The following ITPR3 variants were observed in gnomAD, a reference collection of about 807,000 sequenced individuals.
ITPR3 encodes inositol 1,4,5-trisphosphate receptor type 3, also known as inositol 1,4,5-trisphosphate-gated calcium channel ITPR3.
In ITPR3, 173 loss-of-function variants were observed where a neutral mutation model predicts 293.2. That is an observed-to-expected ratio of 0.59 (90% CI 0.52 to 0.67). The LOEUF (loss-of-function observed/expected upper bound fraction) is 0.67, where lower values mean the gene tolerates loss of function less well. ITPR3 is among the 30% of genes least tolerant of loss of function. The pLI is 0.00. For missense variants in ITPR3, 2,796 were observed against 3,592.1 expected, an observed-to-expected ratio of 0.78 and a Z score of 5.66; for synonymous variants, 1,295 against 1,444.4, an observed-to-expected ratio of 0.90 and a Z score of 2.35.
intron 56 of ITPR3, among the ~76,000 whole-genome samples, chr6:33,694,035 C>T (rs1033976367): frequency 1.3e-5 from 2 of 152,258 alleles, no homozygotes; most frequent in South Asian, 2.1e-4. Context: ...GTGTGGTATC[C>T]CTGGGCCTGT....
Position 33,662,583 on chromosome 6 carries a change from A to G in ITPR3, c.767A>G (p.Glu256Gly), listed in dbSNP as rs779093566. The part of the protein sequence containing the change: ...AEQEKFLTCD[E>G]YKGKLQVFLR... Reference sequence around the variant, plus strand: ...CAGGAGAAGTTCCTGACGTGTGACGAGTACAAGGGCAAGCTGCAGGTGTTC... The same window carrying G: ...CAGGAGAAGTTCCTGACGTGTGACGGGTACAAGGGCAAGCTGCAGGTGTTC... Residue 256 changes from glutamate (E) to glycine (G), a missense_variant, in exon 8 of 58, where the codon GAG becomes GGG. Transcript: ENST00000605930. 5.6e-6 allele frequency: 9 copies of G among 1,611,944 alleles called. No individual in the cohort carries two copies. Among genetic ancestry groups the G allele is most frequent in the Non-Finnish European group, 6.8e-6 (8 of 1,179,708 alleles).
rs1274370758 is a variant in ITPR3, at chr6:33,659,446, G to C, written c.628-20G>C. Reference sequence around the variant, plus strand: ...GGCTGGGGTCCACCTGGCGTCACGGGTCTTGTCACCCTTCCGCAGGTCAAT... The same window carrying C: ...GGCTGGGGTCCACCTGGCGTCACGGCTCTTGTCACCCTTCCGCAGGTCAAT... On this transcript the variant is annotated intron_variant, in intron 6 of 57. Coordinates refer to ENST00000605930, the MANE Select transcript of ITPR3 (RefSeq NM_002224.4). 4 of 1,612,370 alleles carry C rather than the reference G, an allele frequency of 2.5e-6. No individual in the cohort carries two copies. The highest frequency in any genetic ancestry group is 2.5e-6 in the Non-Finnish European group (3 of 1,178,670).
intron 21 of ITPR3, among the ~76,000 whole-genome samples, chr6:33,671,586 C>CGT (rs962735497): frequency 1.3e-5 from 2 of 152,118 alleles, no homozygotes; most frequent in Non-Finnish European, 2.9e-5. Context: ...GCTCTGTCAT[C>CGT]GTGTGTGTGA....
rs1273896765 is a variant in ITPR3 at position 33,684,150 on chromosome 6, G to A, written c.4919G>A (p.Ser1640Asn). The change falls in exon 36 of 58, where the codon AGT becomes AAT. Residue 1640 changes from serine (S) to asparagine (N), a missense_variant. By Grantham distance (46) the Ser-to-Asn change is conservative. Coordinates refer to ENST00000605930, the MANE Select transcript of ITPR3 (RefSeq NM_002224.4). The surrounding 1 kb of genome is among the most constrained non-coding windows in gnomAD (Gnocchi z 4.2). Reference sequence around the variant, plus strand: ...AGTGAGGCCTACCAGCGCTGCGAGAGTGGGGGCTTCCTGTCCAAGTGAGCG... The same window carrying A: ...AGTGAGGCCTACCAGCGCTGCGAGAATGGGGGCTTCCTGTCCAAGTGAGCG... The part of the protein sequence containing the change: ...EGSEAYQRCE[S>N]GGFLSKLIQH... 6.2e-7 allele frequency: 1 copy of A among 1,610,932 alleles called. No individual in the cohort carries two copies. Among genetic ancestry groups the A allele is most frequent in the East Asian group, 2.2e-5 (1 of 44,890 alleles).
At position 33,670,603 on chromosome 6, in the gene ITPR3, G is replaced by A. The variant is rs781762052; in HGVS notation, c.2441+27G>A. On this transcript the variant is annotated intron_variant, in intron 19 of 57. Coordinates refer to ENST00000605930, the MANE Select transcript of ITPR3 (RefSeq NM_002224.4). The surrounding 1 kb of genome is among the most constrained non-coding windows in gnomAD (Gnocchi z 6.7). ...TGAGAGGGGTGGAGGCAGGGTGGGC[G>A]GGGCAGGGGCAGAGGCTGGAGTGGG... is the stretch of plus-strand genomic sequence containing the variant. The A allele has an allele frequency of 3.0e-5, 48 of 1,611,894 alleles. No individual in the cohort carries two copies. Among genetic ancestry groups the A allele is most frequent in the South Asian group, 2.7e-4 (25 of 91,040 alleles).
At chr6:33,636,086 A>C (rs1473246312) in intron 1 of ITPR3, among the ~76,000 whole-genome samples, 1 of 143,010 alleles carries the variant, frequency 7.0e-6, no homozygotes, top group Admixed American at 7.5e-5. Context: ...CAGGAGATAG[A>C]GACCAGCCTG....
chr6:33,656,003 C>T, intron 3 of ITPR3, 116 bp downstream of exon 3: 1 of 1,362,062 alleles, frequency 7.3e-7, no homozygotes, highest in East Asian at 2.5e-5. Context: ...TGAGTGGTTT[C>T]TAAAACTCGT....
Position 33,688,773 on chromosome 6 carries a change from C to G in ITPR3, c.6686C>G (p.Ala2229Gly). 6.2e-7 allele frequency: 1 copy of G among 1,614,164 alleles called. No individual in the cohort carries two copies. Among genetic ancestry groups the G allele is most frequent in the African/African-American group, 1.3e-5 (1 of 75,058 alleles). ...TTCTTCTACCCTTACATGGAGGGCGCGTCCACAGGTGAGAACACAGGGCTG... is the reference window on the plus strand; with the variant it reads ...TTCTTCTACCCTTACATGGAGGGCGGGTCCACAGGTGAGAACACAGGGCTG... ...IAFFYPYMEG[A>G]STGVLDSPLI... The change falls in exon 49 of 58, where the codon GCG becomes GGG. Residue 2229 changes from alanine to glycine, a missense_variant. By Grantham distance (60) the Ala-to-Gly change is moderately conservative. This residue lies in a region of ITPR3 where 568 missense variants were observed against 796.1 expected (regional missense o/e 0.71). Coordinates refer to ENST00000605930, the MANE Select transcript of ITPR3 (RefSeq NM_002224.4).
chr6:33,623,511 A>G (rs560821061), intron 1 of ITPR3, among the ~76,000 whole-genome samples: 20 of 151,610 alleles, frequency 1.3e-4, no homozygotes, highest in African/African-American at 4.8e-4. Flanking sequence ...TTTTTTTTGT[A>G]GAGACTGGGT....
chr6:33,651,396 T>A (rs538384393), intron 2 of ITPR3, among the ~76,000 whole-genome samples: 1 of 152,274 alleles, frequency 6.6e-6, no homozygotes, highest in South Asian at 2.1e-4. Context: ...TCAAGCCCAC[T>A]TGAAGCCCAG....
rs1472982257 is a variant in ITPR3, at chr6:33,678,708, C to T, written c.3841C>T (p.Pro1281Ser). The change falls in exon 30 of 58, where the codon CCT becomes TCT. Residue 1281 changes from proline (P) to serine (S), a missense_variant. Transcript: ENST00000605930. ...TCAGCTCTGCTCCGAGATCAGCGAG[C>T]CTGTGTTGCAGCACTTCGTGCACCT... ...NYQLCSEISE[P>S]VLQHFVHLLA... 1 of 1,613,284 alleles carries T rather than the reference C, an allele frequency of 6.2e-7. No homozygotes were observed. The highest frequency in any genetic ancestry group is 8.5e-7 in the Non-Finnish European group (1 of 1,179,842).
At chr6:33,685,030 C>T (rs1446524687) in intron 39 of ITPR3, 87 bp downstream of exon 39, 6 of 1,448,502 alleles carry the variant, frequency 4.1e-6, no homozygotes, top group African/African-American at 1.4e-5. Flanking sequence ...CACTGAAGGC[C>T]GAGGAGGGTG....
intron 16 of ITPR3, 133 bp from the exon 17 acceptor site, chr6:33,668,382 A>G: frequency 8.2e-7 from 1 of 1,225,912 alleles, no homozygotes; most frequent in Admixed American, 2.4e-5. Flanking sequence ...CATCCCACCC[A>G]TCTCTAAGCC....
chr6:33,670,576 AGT>A lies in ITPR3; in HGVS notation c.2441+2_2441+3del, dbSNP rs1764729822. On this transcript the variant is annotated splice_donor_variant, in intron 19 of 57. Transcript: ENST00000605930. LOFTEE classifies it high-confidence loss of function. This position sits in a 1 kb window ranked among gnomAD's most constrained non-coding sequence, Gnocchi z 6.7. Reference sequence around the variant, plus strand: ...ATCCCCACAGCCATCACCATCAAGGAGTGAGAGGGGTGGAGGCAGGGTGGGCG... The same window carrying A: ...ATCCCCACAGCCATCACCATCAAGGAGAGAGGGGTGGAGGCAGGGTGGGCG... 1.8e-6 allele frequency: 2 copies of A among 1,129,356 alleles called. No individual in the cohort carries two copies. The highest frequency in any genetic ancestry group is 2.4e-6 in the Non-Finnish European group (2 of 817,612). The allele number at this position is 1,129,356 out of a possible 1,614,324, so 70.0% of individuals were successfully genotyped here.
chr6:33,657,221 G>GTGAGGCAGGAGTC, intron 3 of ITPR3, among the ~76,000 whole-genome samples: 1 of 152,332 alleles, frequency 6.6e-6, no homozygotes, highest in Admixed American at 6.5e-5. Context: ...GTCTGATGGA[G>GTGAGGCAGGAGTC]GGGACAGGGC....
rs753724081 is a variant in ITPR3 at position 33,687,123 on chromosome 6, G to C, written c.6075+19G>C. 6.8e-6 allele frequency: 11 copies of C among 1,611,842 alleles called. No homozygotes were observed. The African/African-American group carries it at 1.3e-4, about 20-fold the overall frequency. On this transcript the variant is annotated intron_variant, in intron 44 of 57. Coordinates refer to ENST00000605930, the MANE Select transcript of ITPR3 (RefSeq NM_002224.4). This position sits in a 1 kb window ranked among gnomAD's most constrained non-coding sequence, Gnocchi z 5.3. ...GGAGCTGGTGAGGCTGGGCAGGTGG[G>C]CAGGCGGGCGGAACCAGGTGGAGTG...
In ITPR3 at chr6:33,693,553, A is replaced by G; in HGVS notation, c.7633A>G (p.Arg2545Gly). ...GCCCTCTGCACCCTCAGGTCTGGAG[A>G]GGGACAAGTTTGATAACAAGACAGT... ...KTTCFICGLE[R>G]DKFDNKTVSF... Residue 2545 changes from arginine to glycine, a missense_variant, in exon 56 of 58, where the codon AGG (arginine) becomes GGG (glycine). By Grantham distance (125) the Arg-to-Gly change is moderately radical. Around this residue, in one of 8 missense-constraint regions of ITPR3, gnomAD observed 568 missense variants for 796.1 expected, o/e 0.71. Transcript: ENST00000605930. 1 of 1,614,048 alleles carries G rather than the reference A, an allele frequency of 6.2e-7. No homozygotes were observed.
intron 2 of ITPR3, among the ~76,000 whole-genome samples, chr6:33,652,700 G>T (rs1008938358): frequency 6.6e-6 from 1 of 152,024 alleles, no homozygotes; most frequent in Non-Finnish European, 1.5e-5. Flanking sequence ...TCCTGACCTC[G>T]TGATCTGCCC....
rs1048916790 is a variant in ITPR3 at position 33,691,994 on chromosome 6, A to T, written c.7458+66A>T. On this transcript the variant is annotated intron_variant, in intron 54 of 57. Coordinates refer to ENST00000605930, the MANE Select transcript of ITPR3 (RefSeq NM_002224.4). This position sits in a 1 kb window ranked among gnomAD's most constrained non-coding sequence, Gnocchi z 4.9. ...CCACTGTCCAGATCAGCAACTGTGG[A>T]GAGTCCTGTCCTTGGCCTCGCGTCA... 6.2e-7 allele frequency: 1 copy of T among 1,603,166 alleles called. No homozygotes were observed.
Sources: gnomAD v4.1 joint callset for allele counts (sites outside exome capture counted in the v4.1 genomes callset) on GRCh38, gnomAD v4.1.1 for gene constraint, gnomAD v4.1.1 regional missense constraint, Gnocchi (gnomAD v3.1) non-coding constraint, MANE v1.5 for transcripts, NCBI Gene and HGNC (gene_info 2026-07-23, HGNC 2026-07-21) for gene names.